ARRDC5: variants seen among roughly 807,000 people sequenced by gnomAD.
ARRDC5 encodes arrestin domain-containing protein 5.
A neutral mutation model predicts 13.3 loss-of-function variants in ARRDC5; 12 were observed. That is an observed-to-expected ratio of 0.90 (90% CI 0.58 to 1.46). The LOEUF is 1.46. Ranked by LOEUF, ARRDC5 falls within the 40% of genes most tolerant of loss-of-function variation. ARRDC5 has a pLI of 0.00. For synonymous variants in ARRDC5, 181 were observed against 173.4 expected (o/e 1.04, Z -0.34); for missense variants, 406 against 418.7 (o/e 0.97, Z 0.26).
Position 4,891,100 on chromosome 19 carries a change from G to A in ARRDC5, c.933C>T (p.Ile311=). The change falls in exon 3 of 3, where the codon ATC becomes ATT. Residue 311 remains isoleucine, a synonymous_variant. Coordinates refer to ENST00000650722, the MANE Select transcript of ARRDC5 (RefSeq NM_001080523.3). ...ACACTCCGTCCTCTGACAGCTGGCAGATGGCAGAGTCCACTGAGGCGCTGG... is the reference window on the plus strand; with the variant it reads ...ACACTCCGTCCTCTGACAGCTGGCAAATGGCAGAGTCCACTGAGGCGCTGG... ...IITSASVDSA[I]CQLSEDGVLP... is the part of the protein sequence containing the mutation. 6.2e-7 allele frequency: 1 copy of A among 1,613,960 alleles called. No homozygotes were observed. The highest frequency in any genetic ancestry group is 2.2e-5 in the East Asian group (1 of 44,882).
chr19:4,914,060 A>AC, the ARRDC5 span, among the ~76,000 whole-genome samples: 2 of 150,290 alleles, frequency 1.3e-5, no homozygotes, highest in East Asian at 2.0e-4. Flanking sequence ...GGTGATTCAC[A>AC]CCCCCCTCCC....
intron 2 of ARRDC5, among the ~76,000 whole-genome samples, chr19:4,895,792 G>A (rs1452073436): frequency 2.6e-5 from 4 of 152,172 alleles, no homozygotes; most frequent in Non-Finnish European, 5.9e-5. Flanking sequence ...CCCCAGGGTC[G>A]TGTCTCCCTC....
At chr19:4,899,522 T>C (rs2031843217) in intron 1 of ARRDC5, among the ~76,000 whole-genome samples, 1 of 151,250 alleles carries the variant, frequency 6.6e-6, no homozygotes, top group Non-Finnish European at 1.5e-5. Flanking sequence ...ATCCCAGCTA[T>C]GCAGGAGGCT....
the ARRDC5 span, among the ~76,000 whole-genome samples, chr19:4,913,020 T>G: frequency 6.6e-6 from 1 of 151,982 alleles, no homozygotes; most frequent in African/African-American, 2.4e-5. Context: ...TCTCAAAGTT[T>G]TGGGGTTACA....
upstream of ARRDC5, chr19:4,902,994 G>A: frequency 1.2e-6 from 1 of 812,870 alleles, no homozygotes; most frequent in Non-Finnish European, 1.9e-6. Flanking sequence ...TTTAGGGTGG[G>A]TGGTTGATTG....
upstream of ARRDC5, among the ~76,000 whole-genome samples, chr19:4,907,568 C>T (rs1178409641): frequency 6.6e-6 from 1 of 151,852 alleles, no homozygotes; most frequent in East Asian, 1.9e-4. Flanking sequence ...CCACGCCCGG[C>T]CCACACATTT....
chr19:4,899,854 G>C (rs1267100699), intron 1 of ARRDC5, among the ~76,000 whole-genome samples: 1 of 150,540 alleles, frequency 6.6e-6, no homozygotes, highest in Non-Finnish European at 1.5e-5. Context: ...CAGGAGAATG[G>C]CGAGAACCCG....
At position 4,896,733 on chromosome 19, in the gene ARRDC5, T is replaced by C. The variant is rs1481870463; in HGVS notation, c.397A>G (p.Lys133Glu). Residue 133 changes from lysine to glutamate, a missense_variant, in exon 2 of 3, where the codon AAG becomes GAG. By Grantham distance (56) the Lys-to-Glu change is moderately conservative. Coordinates refer to ENST00000650722, the MANE Select transcript of ARRDC5 (RefSeq NM_001080523.3). ...TGAACCAATAAGTACATCCTCTTCT[T>C]GGCTAAAATGTGTTCCCTGCCCATG... ...SCMGREHILA[K>E]KRMYLLVQGT... The C allele has an allele frequency of 5.6e-6, 9 of 1,613,730 alleles. No individual in the cohort carries two copies. Among genetic ancestry groups the C allele is most frequent in the South Asian group, 1.1e-5 (1 of 91,088 alleles).
At chr19:4,904,338 C>T (rs1393738933), upstream of ARRDC5, among the ~76,000 whole-genome samples, 1 of 152,126 alleles carries the variant, frequency 6.6e-6, no homozygotes, top group African/African-American at 2.4e-5. Flanking sequence ...GCCACAAATG[C>T]CTGGCTAATT....
At position 4,896,831 on chromosome 19, in the gene ARRDC5, T is replaced by C. The variant is rs898200977; in HGVS notation, c.299A>G (p.Asn100Ser). 1.2e-6 allele frequency: 2 copies of C among 1,613,884 alleles called. No homozygotes were observed. The highest frequency in any genetic ancestry group is 1.7e-6 in the Non-Finnish European group (2 of 1,179,850). Reference protein sequence around the residue: ...AGSHTFDFHFNLPPRLPSTFT... With the variant: ...AGSHTFDFHFSLPPRLPSTFT... ...GGTAGAAGGAAGCCTGGGAGGTAAGTTGAAATGGAAGTCAAAGGTGTGGCT... is the reference window on the plus strand; with the variant it reads ...GGTAGAAGGAAGCCTGGGAGGTAAGCTGAAATGGAAGTCAAAGGTGTGGCT... Residue 100 changes from asparagine to serine, a missense_variant, in exon 2 of 3, where the codon AAC (asparagine) becomes AGC (serine). Asn to Ser is a conservative substitution (Grantham distance 46). Transcript: ENST00000650722.
At chr19:4,892,813 T>C (rs1391746362) in intron 2 of ARRDC5, among the ~76,000 whole-genome samples, 1 of 152,058 alleles carries the variant, frequency 6.6e-6, no homozygotes, top group African/African-American at 2.4e-5. Context: ...ATTTAGATTC[T>C]TGCCTATTCT....
chr19:4,902,026 ACAGGCACGTGCCAG>A (rs1426155701), intron 1 of ARRDC5, among the ~76,000 whole-genome samples: 2 of 152,156 alleles, frequency 1.3e-5, no homozygotes, highest in African/African-American at 4.8e-5. Flanking sequence ...AGCTGAGATT[ACAGGCACGTGCCAG>A]CACGCCCAGC....
At chr19:4,910,698 C>T in the ARRDC5 span, 1 of 548,126 alleles carries the variant, frequency 1.8e-6, no homozygotes, top group Non-Finnish European at 3.0e-6. Flanking sequence ...GCCTTAAGTG[C>T]TTAATTTGTT....
At chr19:4,916,400 C>T in the ARRDC5 span, among the ~76,000 whole-genome samples, 36 of 152,184 alleles carry the variant, frequency 2.4e-4, no homozygotes, top group Non-Finnish European at 3.4e-4. Context: ...ATGGCGGAGC[C>T]GTCCCTGGTG....
At chr19:4,896,353 TTTTTTTTTACACAC>T (rs1294853655) in intron 2 of ARRDC5, among the ~76,000 whole-genome samples, 2 of 85,100 alleles carry the variant, frequency 2.4e-5, no homozygotes, top group South Asian at 3.7e-4. Context: ...TATATATTTT[TTTTTTTTTACACAC>T]ACACACACAC....
At chr19:4,899,057 C>T (rs1376506414) in intron 1 of ARRDC5, among the ~76,000 whole-genome samples, 1 of 151,944 alleles carries the variant, frequency 6.6e-6, no homozygotes, top group African/African-American at 2.4e-5. Flanking sequence ...CACTTGTCAT[C>T]CCAGCACTTT....
At position 4,902,678 on chromosome 19, in the gene ARRDC5, C is replaced by T. The variant is rs1328127682; in HGVS notation, c.148G>A (p.Val50Ile). 6.8e-6 allele frequency: 11 copies of T among 1,613,894 alleles called. No individual in the cohort carries two copies. Among genetic ancestry groups the T allele is most frequent in the South Asian group, 6.6e-5 (6 of 91,094 alleles). Reference protein sequence around the residue: ...VKVELVGRGYVEWSEEAGASC... With the variant: ...VKVELVGRGYIEWSEEAGASC... ...GCCCCGGCTTCTTCACTCCATTCGA[C>T]GTAACCCCTTCCCACGAGCTCCACC... The change falls in exon 1 of 3, where the codon GTC (valine) becomes ATC (isoleucine). Residue 50 changes from valine (V) to isoleucine (I), a missense_variant. Val to Ile is a conservative substitution (Grantham distance 29, BLOSUM62 3). Transcript: ENST00000650722.
chr19:4,899,991 C>T (rs1257005638), intron 1 of ARRDC5, among the ~76,000 whole-genome samples: 1 of 147,970 alleles, frequency 6.8e-6, no homozygotes, highest in Non-Finnish European at 1.5e-5. Context: ...TTTTTTTTTT[C>T]TGAGACTGAA....
the ARRDC5 span, chr19:4,909,308 G>C: frequency 1.8e-6 from 1 of 547,630 alleles, no homozygotes; most frequent in Non-Finnish European, 3.2e-6. Flanking sequence ...GGCGCGCCCA[G>C]CAGAGCGCGC....
Sources: gnomAD v4.1 joint callset for allele counts (sites outside exome capture counted in the v4.1 genomes callset) on GRCh38, gnomAD v4.1.1 for gene constraint, MANE v1.5 for transcripts, NCBI Gene and HGNC (gene_info 2026-07-23, HGNC 2026-07-21) for gene names.